PLEKHA8: variants seen among roughly 807,000 people sequenced by gnomAD.
The protein encoded by PLEKHA8 is pleckstrin homology domain-containing family A member 8.
PLEKHA8 carries 36 observed loss-of-function variants against 68.2 expected under a neutral mutation model. The ratio of observed to expected loss-of-function variants is 0.53; its 90% CI spans 0.40 to 0.70. The LOEUF (loss-of-function observed/expected upper bound fraction) is 0.70. Ranked by LOEUF, PLEKHA8 falls within the 30% of genes least tolerant of loss-of-function variation. The pLI is 0.00. For missense variants in PLEKHA8, 505 were observed against 615.4 expected (o/e 0.82, Z 1.90); for synonymous variants, 211 against 216.1 (o/e 0.98, Z 0.20).
At position 30,080,695 on chromosome 7, in the gene PLEKHA8, TA is replaced by T. The variant is rs1794886124; in HGVS notation, c.*1909del. The T allele has an allele frequency of 1.0e-6, 1 of 985,244 alleles. No individual in the cohort carries two copies. Among genetic ancestry groups the T allele is most frequent in the Non-Finnish European group, 1.2e-6 (1 of 829,924 alleles). 61.0% of individuals were successfully genotyped at this position (985,244 alleles called of 1,614,324 possible). ...AGGGGGGTATTAAAATGATGTTGAT[TA>T]TTTTGTATTTTGCCAAGGTGTGTGT... On this transcript the variant is annotated 3_prime_UTR_variant, in exon 14 of 14. Coordinates refer to ENST00000449726, the MANE Select transcript of PLEKHA8 (RefSeq NM_001197026.2).
Position 30,073,563 on chromosome 7 carries a change from T to TAAAAA in PLEKHA8, c.1301-486_1301-482dup, listed in dbSNP as rs35738941. ...TAAGAGTGGAAGTATTTGTGTTTCT[T>TAAAAA]AAAAAAAAAAAAAAAAAAAAAAAAA... On this transcript the variant is annotated intron_variant, in intron 12 of 13. Transcript: ENST00000449726. Among the ~76,000 whole-genome samples the TAAAAA allele has an allele frequency of 5.2e-3, 578 of 111,742 alleles. 17 individuals are homozygous for TAAAAA. The highest frequency in any genetic ancestry group is 0.02 in the African/African-American group (547 of 28,044). 73.3% of individuals were successfully genotyped at this position (111,742 alleles called of 152,430 possible).
chr7:30,107,271 T>C (rs900362128), intron 13 of PLEKHA8, among the ~76,000 whole-genome samples: 7 of 152,140 alleles, frequency 4.6e-5, no homozygotes, highest in Non-Finnish European at 8.8e-5. Context: ...TGTAAAACTT[T>C]TGTTTTACAA....
chr7:30,033,751 A>G lies in PLEKHA8; in HGVS notation c.40+4949A>G, dbSNP rs532394708. On this transcript the variant is annotated intron_variant, in intron 1 of 13. Coordinates refer to ENST00000449726, the MANE Select transcript of PLEKHA8 (RefSeq NM_001197026.2). ...CCAAATAGTTTTCCAAAGTGACTGC[A>G]CCATTTTACATTCTCGTCAGTAATC... 2.6e-5 allele frequency among the ~76,000 whole-genome samples: 4 copies of G among 152,268 alleles called. No individual in the cohort carries two copies. The East Asian group carries it at 5.8e-4, about 22-fold the overall frequency.
intron 9 of PLEKHA8, among the ~76,000 whole-genome samples, chr7:30,055,591 A>G (rs532647241): frequency 4.9e-4 from 74 of 152,354 alleles, no homozygotes; most frequent in African/African-American, 1.7e-3. Context: ...CTTTCTAGAA[A>G]CCATACATAA....
chr7:30,073,082 TATG>T, intron 12 of PLEKHA8, among the ~76,000 whole-genome samples: 1 of 152,346 alleles, frequency 6.6e-6, no homozygotes, highest in African/African-American at 2.4e-5. Context: ...TAATTAAAAT[TATG>T]ATATGCCAGT....
intron 13 of PLEKHA8, among the ~76,000 whole-genome samples, chr7:30,075,812 G>T (rs547105806): frequency 6.6e-6 from 1 of 152,174 alleles, no homozygotes; most frequent in African/African-American, 2.4e-5. Context: ...AGCTATAGTA[G>T]AAAACTTATC....
chr7:30,107,572 T>C (rs1202792284), intron 13 of PLEKHA8, among the ~76,000 whole-genome samples: 3 of 152,148 alleles, frequency 2.0e-5, no homozygotes, highest in Non-Finnish European at 4.4e-5. Context: ...GCAAAAAGGT[T>C]TTATACAATG....
chr7:30,028,995 G>A lies in PLEKHA8; in HGVS notation c.40+193G>A, dbSNP rs575040479. 2.6e-5 allele frequency among the ~76,000 whole-genome samples: 4 copies of A among 152,302 alleles called. No individual in the cohort carries two copies. In the East Asian group the frequency reaches 7.7e-4, roughly 30 times the overall value. ...GTGCAGGACGACACGGCCCTCTCTT[G>A]GGGTTGGTTAAGAGCTGTGGCTGCC... On this transcript the variant is annotated intron_variant, in intron 1 of 13. Coordinates refer to ENST00000449726, the MANE Select transcript of PLEKHA8 (RefSeq NM_001197026.2).
intron 13 of PLEKHA8, among the ~76,000 whole-genome samples, chr7:30,106,581 A>G (rs1465373512): frequency 1.3e-5 from 2 of 152,108 alleles, no homozygotes; most frequent in African/African-American, 2.4e-5. Context: ...ATATCACACT[A>G]TTAGGAGGTC....
intron 11 of PLEKHA8, among the ~76,000 whole-genome samples, chr7:30,062,378 G>A (rs528121380): frequency 2.3e-4 from 35 of 152,238 alleles, no homozygotes; most frequent in African/African-American, 7.9e-4. Flanking sequence ...ACTCGGGTGG[G>A]GCCCCAGAAT....
intron 1 of PLEKHA8, among the ~76,000 whole-genome samples, chr7:30,036,386 CAGGT>C (rs1248785314): frequency 6.6e-6 from 1 of 150,746 alleles, no homozygotes; most frequent in Admixed American, 6.6e-5. Context: ...GATTCTGTCT[CAGGT>C]AGATAGGATA....
chr7:30,049,571 C>T (rs1792243000), intron 5 of PLEKHA8, 189 bp downstream of exon 5: 1 of 660,564 alleles, frequency 1.5e-6, no homozygotes, highest in Non-Finnish European at 2.4e-6. Flanking sequence ...GCAATTTTAC[C>T]ACCTAAACAT....
At chr7:30,111,877 A>G (rs1796286724) in intron 13 of PLEKHA8, among the ~76,000 whole-genome samples, 1 of 152,230 alleles carries the variant, frequency 6.6e-6, no homozygotes, top group African/African-American at 2.4e-5. Context: ...TAAATCCATG[A>G]GTTTAAAAAT....
chr7:30,043,006 TTTTG>T (rs139576666), intron 1 of PLEKHA8, among the ~76,000 whole-genome samples: 2 of 151,762 alleles, frequency 1.3e-5, no homozygotes, highest in South Asian at 2.1e-4. Context: ...GCATCACCTT[TTTTG>T]TTTGTTTGTT....
chr7:30,082,137 A>T lies in PLEKHA8; in HGVS notation c.*3350A>T. On this transcript the variant is annotated 3_prime_UTR_variant, in exon 14 of 14. Transcript: ENST00000449726. ...ACTTCGAAGGGTAGTTCTCATTAGG[A>T]TGTATAAGTAGTGGCTTGAGGCACC... 2 of 985,342 alleles carry T rather than the reference A, an allele frequency of 2.0e-6. No homozygotes were observed. The highest frequency in any genetic ancestry group is 2.4e-6 in the Non-Finnish European group (2 of 829,900). The allele number at this position is 985,342 out of a possible 1,614,324, so 61.0% of individuals were successfully genotyped here.
intron 6 of PLEKHA8, chr7:30,050,710 C>T (rs900490405): frequency 1.3e-5 from 5 of 386,690 alleles, no homozygotes; most frequent in African/African-American, 8.3e-5. Flanking sequence ...GGATCTCACC[C>T]ATCACATCTA....
chr7:30,062,737 C>T lies in PLEKHA8; in HGVS notation c.1295C>T (p.Ala432Val), dbSNP rs767335026. 1.2e-6 allele frequency: 2 copies of T among 1,612,020 alleles called. No individual in the cohort carries two copies. Among genetic ancestry groups the T allele is most frequent in the Non-Finnish European group, 1.7e-6 (2 of 1,178,316 alleles). The change falls in exon 12 of 14, where the codon GCC (alanine) becomes GTC (valine). Residue 432 changes from alanine (A) to valine (V), a missense_variant. Coordinates refer to ENST00000449726, the MANE Select transcript of PLEKHA8 (RefSeq NM_001197026.2). Reference protein sequence around the residue: ...VKNGEKDIQTALNNAYGKTLR... With the variant: ...VKNGEKDIQTVLNNAYGKTLR... ...AATGGGGAGAAGGATATCCAGACAG[C>T]CCTAAGTAAGTGTTCTTTATGTTTT...
Position 30,115,823 on chromosome 7 carries a change from T to C in PLEKHA8, c.1363-13443T>C, listed in dbSNP as rs577150980. On this transcript the variant is annotated intron_variant, in intron 13 of 13. Transcript: ENST00000396257. ...ATGTATACACGCATGCATGTATACA[T>C]GCGTGCACATACATGTATACACGTA... 7 of 136,932 alleles carry C rather than the reference T, an allele frequency of 5.1e-5. 1 individual carries two copies. Among genetic ancestry groups the C allele is most frequent in the East Asian group, 2.1e-4 (1 of 4,870 alleles). The allele number at this position is 136,932 out of a possible 1,614,324, so 8.5% of individuals were successfully genotyped here.
chr7:30,103,144 T>G (rs1795912980), intron 13 of PLEKHA8, among the ~76,000 whole-genome samples: 1 of 152,232 alleles, frequency 6.6e-6, no homozygotes, highest in African/African-American at 2.4e-5. Flanking sequence ...GTATAATGTT[T>G]ACAGAATTTC....
Sources: gnomAD v4.1 joint callset for allele counts (sites outside exome capture counted in the v4.1 genomes callset) on GRCh38, gnomAD v4.1.1 for gene constraint, MANE v1.5 for transcripts, NCBI Gene and HGNC (gene_info 2026-07-23, HGNC 2026-07-21) for gene names.